Variants in TTC12 observed in about 807,000 individuals in gnomAD.
The protein encoded by TTC12 is tetratricopeptide repeat domain 12.
Under a neutral mutation model 90.1 loss-of-function variants are expected in TTC12, and 70 were observed. The ratio of observed to expected loss-of-function variants is 0.78; its 90% confidence interval spans 0.64 to 0.95. The LOEUF is 0.95. Ranked by LOEUF, TTC12 falls within the 40% of genes least tolerant of loss-of-function variation. The pLI is 0.00. For synonymous variants in TTC12, 296 were observed against 311.5 expected, an observed-to-expected ratio of 0.95 and a Z score of 0.53; for missense variants, 819 against 846.1, an observed-to-expected ratio of 0.97 and a Z score of 0.40.
chr11:113,315,233 T>G (rs1035502345), intron 1 of TTC12: 3 of 111,932 alleles, frequency 2.7e-5, no homozygotes, highest in Non-Finnish European at 4.6e-5. Flanking sequence ...ACTCGTCGCG[T>G]GCCTGGTGCT....
chr11:113,371,664 G>A (rs543518812), intron 21 of TTC12: 4 of 152,202 alleles, frequency 2.6e-5, no homozygotes, highest in Admixed American at 6.5e-5. Context: ...CCAGAGTGGG[G>A]TAGGGACTCC....
chr11:113,318,174 T>C (rs1166598847), intron 2 of TTC12, among the ~76,000 whole-genome samples: 1 of 152,246 alleles, frequency 6.6e-6, no homozygotes, highest in Non-Finnish European at 1.5e-5. Context: ...TTTCATGGTA[T>C]TAATAGTCCA....
chr11:113,373,226 T>G, exon 22 of TTC12: 1 of 985,470 alleles, frequency 1.0e-6, no homozygotes, highest in Non-Finnish European at 1.2e-6. Flanking sequence ...CCCATGCGAT[T>G]CATCCTTTCC....
chr11:113,333,546 C>T (rs1437899378), intron 7 of TTC12, among the ~76,000 whole-genome samples: 3 of 152,072 alleles, frequency 2.0e-5, no homozygotes, highest in African/African-American at 7.2e-5. Context: ...AGCTCTTCCG[C>T]TTGTTATCTG....
intron 5 of TTC12, 46 bp downstream of exon 5, chr11:113,324,728 A>C: frequency 6.5e-7 from 1 of 1,540,050 alleles, no homozygotes; most frequent in Non-Finnish European, 9.0e-7. Flanking sequence ...GATTTGTGCT[A>C]GAAAGAGCAC....
At chr11:113,360,788 T>C (rs1031561295) in intron 18 of TTC12, among the ~76,000 whole-genome samples, 3 of 152,190 alleles carry the variant, frequency 2.0e-5, no homozygotes, top group South Asian at 2.1e-4. Flanking sequence ...TAAAAAATGT[T>C]CTGAGTAGAT....
chr11:113,335,291 G>A (rs1948301370), intron 8 of TTC12, among the ~76,000 whole-genome samples: 1 of 152,066 alleles, frequency 6.6e-6, no homozygotes, highest in African/African-American at 2.4e-5. Context: ...AAAGACCTGA[G>A]CAAAAAGAGA....
chr11:113,363,220 C>T (rs1555155939), intron 19 of TTC12, among the ~76,000 whole-genome samples: 1 of 152,218 alleles, frequency 6.6e-6, no homozygotes, highest in East Asian at 1.9e-4. Flanking sequence ...CACAGGGGGT[C>T]TGAGTTTAGA....
intron 11 of TTC12, 67 bp from the exon 12 acceptor site, chr11:113,341,770 C>A: frequency 7.7e-7 from 1 of 1,304,528 alleles, no homozygotes; most frequent in Non-Finnish European, 1.1e-6. Context: ...TGAAATAAAA[C>A]CAAATGGAAA....
chr11:113,325,806 A>G (rs1947652484), intron 6 of TTC12, 161 bp downstream of exon 6: 1 of 831,644 alleles, frequency 1.2e-6, no homozygotes. Context: ...AGCATTTACC[A>G]GTTTCCATGA....
intron 12 of TTC12, among the ~76,000 whole-genome samples, chr11:113,343,021 T>TA (rs1555146701): frequency 6.6e-6 from 1 of 152,234 alleles, no homozygotes; most frequent in Admixed American, 6.5e-5. Context: ...TATTTTCAGA[T>TA]ACCTGTGATG....
At chr11:113,329,801 T>C (rs782400015) in intron 6 of TTC12, 119 bp from the exon 7 acceptor site, 2 of 856,076 alleles carry the variant, frequency 2.3e-6, no homozygotes, top group Middle Eastern at 2.2e-4. Context: ...GGACCATGAC[T>C]GATCCAGGTA....
chr11:113,352,998 C>T (rs944276804), intron 16 of TTC12, among the ~76,000 whole-genome samples: 2 of 151,894 alleles, frequency 1.3e-5, no homozygotes, highest in Admixed American at 6.6e-5. Context: ...CAAATGGTAT[C>T]TCTGTGTCAA....
At chr11:113,360,423 C>G (rs2138069398) in intron 18 of TTC12, among the ~76,000 whole-genome samples, 1 of 151,868 alleles carries the variant, frequency 6.6e-6, no homozygotes. Context: ...AAAAAAAAGC[C>G]AAGCCCATAT....
At chr11:113,352,847 C>G (rs897207059) in intron 16 of TTC12, among the ~76,000 whole-genome samples, 1 of 152,186 alleles carries the variant, frequency 6.6e-6, no homozygotes, top group Admixed American at 6.5e-5. Flanking sequence ...TTTATCCAGT[C>G]TATCATTGAT....
chr11:113,344,208 G>A, intron 12 of TTC12, 64 bp from the exon 13 acceptor site: 1 of 1,524,912 alleles, frequency 6.6e-7, no homozygotes, highest in Admixed American at 1.8e-5. Context: ...AGGATAGAGG[G>A]TGACAGAGCT....
chr11:113,319,551 A>G (rs1245599177), intron 2 of TTC12, among the ~76,000 whole-genome samples: 1 of 152,214 alleles, frequency 6.6e-6, no homozygotes, highest in Non-Finnish European at 1.5e-5. Context: ...AATTTTTAAA[A>G]TATTCTATGC....
chr11:113,355,076 C>G (rs1555151946), intron 16 of TTC12, among the ~76,000 whole-genome samples: 1 of 152,166 alleles, frequency 6.6e-6, no homozygotes, highest in Admixed American at 6.5e-5. Context: ...AGCTGTGAAT[C>G]TAGCTGGTCC....
chr11:113,372,526 C>G (rs998486421), intron 21 of TTC12, among the ~76,000 whole-genome samples: 2 of 152,180 alleles, frequency 1.3e-5, no homozygotes, highest in Non-Finnish European at 2.9e-5. Flanking sequence ...TTTAAATTCT[C>G]TGAAGTTTTA....
Sources: gnomAD v4.1 joint callset for allele counts (sites outside exome capture counted in the v4.1 genomes callset) on GRCh38, gnomAD v4.1.1 for gene constraint, MANE v1.5 for transcripts, NCBI Gene and HGNC (gene_info 2026-07-23, HGNC 2026-07-21) for gene names.